Variants in TTC29 observed in about 807,000 individuals in gnomAD.
TTC29 encodes the protein tetratricopeptide repeat domain 29, also known as tetratricopeptide repeat protein 29.
In TTC29, 49 loss-of-function variants were observed where a neutral mutation model predicts 58.1. That is an observed-to-expected ratio of 0.84 (90% CI 0.67 to 1.07). TTC29 has a LOEUF of 1.07. TTC29 is among the 50% of genes least tolerant of loss of function. TTC29 has a pLI of 0.00. For synonymous variants in TTC29, 209 were observed against 196.8 expected (o/e 1.06, Z -0.52); for missense variants, 582 against 555.6 (o/e 1.05, Z -0.48).
At chr4:146,804,048 G>C (rs926590975) in intron 10 of TTC29, among the ~76,000 whole-genome samples, 4 of 152,172 alleles carry the variant, frequency 2.6e-5, no homozygotes, top group African/African-American at 9.7e-5. Flanking sequence ...TGAGGTAACC[G>C]GCTCATCTCT....
At chr4:146,839,176 C>T (rs1296361124) in intron 8 of TTC29, among the ~76,000 whole-genome samples, 1 of 151,966 alleles carries the variant, frequency 6.6e-6, no homozygotes, top group East Asian at 1.9e-4. Context: ...AGGGAAATGA[C>T]ATTGATATAT....
At chr4:146,731,200 C>T (rs191886699) in intron 11 of TTC29, among the ~76,000 whole-genome samples, 268 of 151,868 alleles carry the variant, frequency 1.8e-3, no homozygotes, top group African/African-American at 6.3e-3. Flanking sequence ...ATAGTGATAC[C>T]TTATGGTCAT....
chr4:146,867,398 C>T, intron 8 of TTC29, 100 bp downstream of exon 8: 1 of 529,300 alleles, frequency 1.9e-6, no homozygotes. Context: ...CTATGTCAGG[C>T]CTAACTCATT....
At chr4:146,749,038 C>T (rs1365913538) in intron 11 of TTC29, among the ~76,000 whole-genome samples, 2 of 151,938 alleles carry the variant, frequency 1.3e-5, no homozygotes, top group Non-Finnish European at 2.9e-5. Context: ...TATACATTGG[C>T]TGGATGTGGT....
chr4:146,826,359 C>T (rs909087390), intron 9 of TTC29, among the ~76,000 whole-genome samples: 2 of 152,124 alleles, frequency 1.3e-5, no homozygotes, highest in African/African-American at 4.8e-5. Flanking sequence ...GTTTCTCATT[C>T]ACTTATGAAG....
At chr4:146,713,313 T>G (rs1489143794) in intron 11 of TTC29, among the ~76,000 whole-genome samples, 1 of 81,656 alleles carries the variant, frequency 1.2e-5, no homozygotes, top group Admixed American at 1.3e-4. Context: ...TCCTCCTTGT[T>G]CTATAATATT....
Position 146,820,534 on chromosome 4 carries a change from A to G in TTC29, c.978-286T>C, listed in dbSNP as rs549774162. Among the ~76,000 whole-genome samples the G allele has an allele frequency of 1.4e-4, 21 of 152,344 alleles. No homozygotes were observed. The East Asian group carries it at 4.1e-3, about 29-fold the overall frequency. The stretch of plus-strand genomic sequence containing the variant: ...TCCTCAAAAACTTTAACATAGAGTT[A>G]CCATATGACCCAGAAATTTTACTCC... On this transcript the variant is annotated intron_variant, in intron 9 of 12. Coordinates refer to ENST00000325106, the MANE Select transcript of TTC29 (RefSeq NM_031956.4).
intron 11 of TTC29, among the ~76,000 whole-genome samples, chr4:146,799,280 C>A (rs1349252394): frequency 6.6e-6 from 1 of 152,144 alleles, no homozygotes; most frequent in African/African-American, 2.4e-5. Flanking sequence ...GACTTTTTGG[C>A]TAATTCCATG....
At chr4:146,802,880 T>C (rs1436703124) in intron 11 of TTC29, among the ~76,000 whole-genome samples, 1 of 152,198 alleles carries the variant, frequency 6.6e-6, no homozygotes, top group Non-Finnish European at 1.5e-5. Context: ...AGTTGGCACA[T>C]AATACTGACC....
chr4:146,844,592 G>C (rs4835054), intron 8 of TTC29, among the ~76,000 whole-genome samples: 1 of 151,408 alleles, frequency 6.6e-6, no homozygotes, highest in Non-Finnish European at 1.5e-5. Flanking sequence ...TGTTGCTTAC[G>C]CTGGTCTTGA....
chr4:146,871,468 C>A (rs55921094), intron 7 of TTC29, among the ~76,000 whole-genome samples: 15,641 of 151,680 alleles, frequency 0.1, 957 homozygotes, highest in East Asian at 0.2. Flanking sequence ...AGGGAAGCAG[C>A]AAAACTTTAA....
intron 11 of TTC29, among the ~76,000 whole-genome samples, chr4:146,776,837 C>T (rs1230006743): frequency 6.6e-6 from 1 of 152,200 alleles, no homozygotes; most frequent in Non-Finnish European, 1.5e-5. Context: ...CAGTGGGGCA[C>T]AGGCCGGGGC....
chr4:146,823,506 T>G (rs1388566988), intron 9 of TTC29, among the ~76,000 whole-genome samples: 3 of 152,158 alleles, frequency 2.0e-5, no homozygotes, highest in Non-Finnish European at 4.4e-5. Context: ...GGTTGTAGCC[T>G]TGTAGTATAG....
chr4:146,890,973 T>C (rs551565565), intron 6 of TTC29, among the ~76,000 whole-genome samples: 8 of 152,094 alleles, frequency 5.3e-5, no homozygotes, highest in Non-Finnish European at 1.0e-4. Flanking sequence ...TGAAGTCTGA[T>C]GTCTGGCAGA....
chr4:146,768,030 T>A (rs1473600712), intron 11 of TTC29, among the ~76,000 whole-genome samples: 1 of 152,082 alleles, frequency 6.6e-6, no homozygotes, highest in Non-Finnish European at 1.5e-5. Context: ...CTACACCAAT[T>A]TTCATTTTCT....
chr4:146,863,799 C>T (rs978673355), intron 8 of TTC29, among the ~76,000 whole-genome samples: 4 of 152,088 alleles, frequency 2.6e-5, no homozygotes, highest in Admixed American at 2.6e-4. Flanking sequence ...ACCTGAGAAC[C>T]ATCAGTGCTG....
At chr4:146,926,743 G>A (rs7679660) in intron 4 of TTC29, among the ~76,000 whole-genome samples, 11,520 of 152,062 alleles carry the variant, frequency 0.076, 1,439 homozygotes, top group African/African-American at 0.26. Flanking sequence ...GATTACAGAC[G>A]CGAACCACCA....
At chr4:146,817,566 G>T (rs1751498389) in intron 10 of TTC29, among the ~76,000 whole-genome samples, 1 of 152,172 alleles carries the variant, frequency 6.6e-6, no homozygotes, top group South Asian at 2.1e-4. Context: ...TTTCTTCACA[G>T]AATTGGAAAA....
chr4:146,760,040 C>T (rs1198254881), intron 11 of TTC29, among the ~76,000 whole-genome samples: 4 of 151,956 alleles, frequency 2.6e-5, no homozygotes, highest in Non-Finnish European at 4.4e-5. Context: ...TAATACCCTA[C>T]GGACTCCCCC....
Sources: gnomAD v4.1 joint callset for allele counts (sites outside exome capture counted in the v4.1 genomes callset) on GRCh38, gnomAD v4.1.1 for gene constraint, MANE v1.5 for transcripts, NCBI Gene and HGNC (gene_info 2026-07-23, HGNC 2026-07-21) for gene names.